Variants in NEB observed in about 807,000 individuals in gnomAD.
NEB encodes the protein nemaline myopathy type 2.
NEB carries 512 observed loss-of-function variants against 952.2 expected under a neutral mutation model. That is an observed-to-expected ratio of 0.54 (90% confidence interval 0.50 to 0.58). The LOEUF (loss-of-function observed/expected upper bound fraction) is 0.58. NEB is among the 20% of genes least tolerant of loss of function. The pLI is 0.00. For synonymous variants in NEB, 2,900 were observed against 3,149.8 expected, an observed-to-expected ratio of 0.92 and a Z score of 2.66; for missense variants, 8,428 against 9,231.1, an observed-to-expected ratio of 0.91 and a Z score of 3.56.
In NEB at chr2:151,533,480, T is replaced by C. The variant is rs1486565783; in HGVS notation, c.21379A>G (p.Met7127Val). Residue 7127 changes from methionine (M) to valine (V), a missense_variant, in exon 143 of 182, where the codon ATG (methionine) becomes GTG (valine). Physicochemically the swap from Met to Val is conservative, Grantham distance 21. Coordinates refer to ENST00000397345, the MANE Select transcript of NEB (RefSeq NM_001164508.2). Reference sequence around the variant, plus strand: ...TGCGAATTGTAGAGAGCAGTCAACATATCTGGACGCAGAATTTCATTACAT... The same window carrying C: ...TGCGAATTGTAGAGAGCAGTCAACACATCTGGACGCAGAATTTCATTACAT... ...HGCNEILRPD[M>V]LTALYNSHMW... The C allele has an allele frequency of 6.4e-7, 1 of 1,551,506 alleles. No individual in the cohort carries two copies. The highest frequency in any genetic ancestry group is 8.7e-7 in the Non-Finnish European group (1 of 1,146,880).
chr2:151,726,772 T>C (rs375756148), intron 5 of NEB, among the ~76,000 whole-genome samples: 1 of 152,190 alleles, frequency 6.6e-6, no homozygotes, highest in Non-Finnish European at 1.5e-5. Flanking sequence ...ATGCCTATAA[T>C]TCTAATGTTT....
In NEB at chr2:151,506,957, G is replaced by C; in HGVS notation, c.23508C>G (p.Asp7836Glu). The change falls in exon 163 of 182, where the codon GAC (aspartate) becomes GAG (glutamate). Residue 7836 changes from aspartate to glutamate, a missense_variant. Physicochemically the swap from Asp to Glu is conservative, Grantham distance 45 (BLOSUM62 2). Around this residue, in one of 11 missense-constraint regions of NEB, gnomAD observed 3,374 missense variants for 3,651.5 expected, o/e 0.92. Coordinates refer to ENST00000397345, the MANE Select transcript of NEB (RefSeq NM_001164508.2). Reference protein sequence around the residue: ...NSKGKITVVQDTPEILRVKEN... With the variant: ...NSKGKITVVQETPEILRVKEN... ...CTTTTACACGCAGTATTTCTGGCGT[G>C]TCTTGAACAACTGTAATTTTTCCTT... 6.2e-7 allele frequency: 1 copy of C among 1,611,726 alleles called. No homozygotes were observed. Among genetic ancestry groups the C allele is most frequent in the South Asian group, 1.1e-5 (1 of 91,002 alleles).
intron 55 of NEB, 88 bp from the exon 56 acceptor site, chr2:151,644,663 C>T: frequency 9.1e-7 from 1 of 1,098,902 alleles, no homozygotes; most frequent in Non-Finnish European, 1.4e-6. Context: ...TATTTTGAGT[C>T]CATGAGAATA....
chr2:151,611,083 A>G (rs574997115), intron 78 of NEB, among the ~76,000 whole-genome samples: 1 of 152,332 alleles, frequency 6.6e-6, no homozygotes, highest in African/African-American at 2.4e-5. Flanking sequence ...TTCATAATTA[A>G]TATGAAGCAA....
chr2:151,727,648 C>G, intron 5 of NEB, 43 bp downstream of exon 5: 2 of 1,560,948 alleles, frequency 1.3e-6, no homozygotes, highest in Non-Finnish European at 8.8e-7. Context: ...TAAGTAATTT[C>G]TTAATAATCA....
In NEB at chr2:151,639,914, AC is replaced by A; in HGVS notation, c.8831del (p.Ser2944MetfsTer2). On this transcript the variant is annotated frameshift_variant, in exon 62 of 182. Transcript: ENST00000397345. LOFTEE classifies it high-confidence loss of function. ...ACACTTGTTCCAGAGAGTCAGTCAC[AC>A]TGGTAAATTTGAATCTGTCTGGAGG... ...RQPPDRFKFT[S>X]VTDSLEQVLA... 2 of 1,613,994 alleles carry A rather than the reference AC, an allele frequency of 1.2e-6. No homozygotes were observed. Among genetic ancestry groups the A allele is most frequent in the Non-Finnish European group, 1.7e-6 (2 of 1,179,878 alleles).
At chr2:151,726,301 G>C (rs996847466) in intron 5 of NEB, among the ~76,000 whole-genome samples, 1 of 152,224 alleles carries the variant, frequency 6.6e-6, no homozygotes, top group South Asian at 2.1e-4. Flanking sequence ...TTCTATCCTT[G>C]CTGAATACTG....
chr2:151,641,952 A>G (rs111868589), intron 60 of NEB, among the ~76,000 whole-genome samples: 1,891 of 152,104 alleles, frequency 0.012, 20 homozygotes, highest in Middle Eastern at 0.031. Context: ...TCCTAATGCT[A>G]TCCCTCCTCC....
Position 151,643,611 on chromosome 2 carries a change from A to G in NEB, c.7956+207T>C, listed in dbSNP as rs186474264. ...CTCAATCCTTTGATTGTCTAGCTCGACAATCTAGAGGCTTCCACCAAAGCA... is the reference window on the plus strand; with the variant it reads ...CTCAATCCTTTGATTGTCTAGCTCGGCAATCTAGAGGCTTCCACCAAAGCA... On this transcript the variant is annotated intron_variant, in intron 57 of 181. Coordinates refer to ENST00000397345, the MANE Select transcript of NEB (RefSeq NM_001164508.2). Among the ~76,000 whole-genome samples the G allele has an allele frequency of 2.6e-3, 392 of 152,352 alleles. 4 individuals are homozygous for G. Among genetic ancestry groups the G allele is most frequent in the African/African-American group, 8.7e-3 (360 of 41,582 alleles).
At position 151,570,591 on chromosome 2, in the gene NEB, C is replaced by A. The variant is rs373850451; in HGVS notation, c.17024G>T (p.Arg5675Leu). 2 of 1,594,296 alleles carry A rather than the reference C, an allele frequency of 1.3e-6. No individual in the cohort carries two copies. Among genetic ancestry groups the A allele is most frequent in the African/African-American group, 2.7e-5 (2 of 74,256 alleles). Residue 5675 changes from arginine (R) to leucine (L), a missense_variant, in exon 108 of 182, where the codon CGT becomes CTT. Coordinates refer to ENST00000397345, the MANE Select transcript of NEB (RefSeq NM_001164508.2). ...CGCCTTCATTTCATCCCAGCCCTCA[C>A]GGTAAAGTTTCTGAAAAGGAGAAAA... ...NALNVSNKLYREGWDEMKAGC... is the reference protein window; with the variant it reads ...NALNVSNKLYLEGWDEMKAGC...
intron 181 of NEB, among the ~76,000 whole-genome samples, chr2:151,489,710 G>A (rs1203089904): frequency 1.3e-5 from 2 of 151,996 alleles, no homozygotes; most frequent in African/African-American, 4.8e-5. Flanking sequence ...GTTTAAGATA[G>A]TAGGTGAGAC....
chr2:151,524,103 A>T (rs2083847985), intron 153 of NEB, among the ~76,000 whole-genome samples: 1 of 152,196 alleles, frequency 6.6e-6, no homozygotes, highest in African/African-American at 2.4e-5. Context: ...ATGCCCATAA[A>T]TGGTAAAGTG....
chr2:151,706,059 A>G (rs2099704907), intron 13 of NEB, among the ~76,000 whole-genome samples: 1 of 152,244 alleles, frequency 6.6e-6, no homozygotes, highest in Admixed American at 6.5e-5. Flanking sequence ...GTACCCCAAC[A>G]ATGACTGAAA....
chr2:151,697,511 T>C, intron 14 of NEB, 33 bp downstream of exon 14: 1 of 1,608,274 alleles, frequency 6.2e-7, no homozygotes. Flanking sequence ...GGGTTCTTTT[T>C]TTAACAGAAA....
At chr2:151,502,398 A>C (rs924134641) in intron 167 of NEB, among the ~76,000 whole-genome samples, 1 of 152,152 alleles carries the variant, frequency 6.6e-6, no homozygotes, top group African/African-American at 2.4e-5. Context: ...AAAAAAAAAA[A>C]AACTTAAAAG....
At chr2:151,704,295 G>A (rs866409969) in intron 13 of NEB, among the ~76,000 whole-genome samples, 305 of 116,434 alleles carry the variant, frequency 2.6e-3, no homozygotes, top group African/African-American at 9.0e-3. Context: ...AGTCTGCAGA[G>A]GTTACTGCTG....
At chr2:151,522,641 A>G (rs2082667913) in intron 153 of NEB, among the ~76,000 whole-genome samples, 1 of 152,262 alleles carries the variant, frequency 6.6e-6, no homozygotes, top group African/African-American at 2.4e-5. Flanking sequence ...AACAGAAAAG[A>G]ATGCAACCTG....
At chr2:151,684,583 A>G (rs185977009) in intron 28 of NEB, among the ~76,000 whole-genome samples, 195 bp downstream of exon 28, 4 of 152,330 alleles carry the variant, frequency 2.6e-5, no homozygotes, top group African/African-American at 4.8e-5. Flanking sequence ...AGAGGGAAAC[A>G]GTGATAGGGT....
Position 151,680,722 on chromosome 2 carries a change from A to G in NEB, c.3042+8T>C, listed in dbSNP as rs190108219. On this transcript the variant is annotated splice_region_variant and intron_variant, in intron 30 of 181. Coordinates refer to ENST00000397345, the MANE Select transcript of NEB (RefSeq NM_001164508.2). ...ATCTATTAACATATAGATAGCATTA[A>G]CACTTACATCACTCCTCTGGGCCTG... The G allele has an allele frequency of 3.2e-6, 5 of 1,556,636 alleles. No individual in the cohort carries two copies. In the Admixed American group the frequency reaches 8.5e-5, roughly 27 times the overall value.
Sources: allele counts gnomAD v4.1 joint callset (sites outside exome capture counted in the v4.1 genomes callset), GRCh38; gene constraint gnomAD v4.1.1; regional missense constraint gnomAD v4.1.1; transcripts MANE v1.5; gene names NCBI Gene and HGNC (gene_info 2026-07-23, HGNC 2026-07-21).